The following CYRIB variants were observed in gnomAD, a reference collection of about 807,000 sequenced individuals.
CYRIB encodes CYFIP-related Rac1 interactor B.
In CYRIB, 8 loss-of-function variants were observed where a neutral mutation model predicts 44.2. That is an observed-to-expected ratio of 0.18 (90% CI 0.11 to 0.33). The LOEUF (loss-of-function observed/expected upper bound fraction) is 0.33. Among genes scored for constraint, CYRIB ranks in the 10% least tolerant of loss-of-function variants. CYRIB has a pLI of 1.00. For synonymous variants in CYRIB, 131 were observed against 127.2 expected, an observed-to-expected ratio of 1.03 and a Z score of -0.20; for missense variants, 185 against 382.8, an observed-to-expected ratio of 0.48 and a Z score of 4.31.
chr8:129,889,618 G>A (rs2064243931), intron 2 of CYRIB, among the ~76,000 whole-genome samples: 1 of 152,086 alleles, frequency 6.6e-6, no homozygotes, highest in Non-Finnish European at 1.5e-5. Context: ...ATGACTGTGA[G>A]GGGGGTTCAA....
chr8:130,011,499 C>T (rs2097213899), intron 1 of CYRIB, among the ~76,000 whole-genome samples: 1 of 150,438 alleles, frequency 6.6e-6, no homozygotes, highest in African/African-American at 2.5e-5. Flanking sequence ...CTAACCTGGG[C>T]AACAAAGCAA....
chr8:129,924,925 T>C (rs560609881), intron 1 of CYRIB, among the ~76,000 whole-genome samples: 1 of 152,370 alleles, frequency 6.6e-6, no homozygotes, highest in South Asian at 2.1e-4. Context: ...CTGCAGTGAC[T>C]GAAAGATCTT....
intron 2 of CYRIB, among the ~76,000 whole-genome samples, chr8:129,952,525 G>T (rs1265122844): frequency 6.6e-6 from 1 of 152,086 alleles, no homozygotes; most frequent in Non-Finnish European, 1.5e-5. Flanking sequence ...AAAACTCAAT[G>T]ATAACAAGAT....
intron 2 of CYRIB, among the ~76,000 whole-genome samples, chr8:129,882,916 G>A (rs757988110): frequency 3.1e-4 from 47 of 151,818 alleles, no homozygotes; most frequent in Non-Finnish European, 6.5e-4. Flanking sequence ...TGGCTCAGTT[G>A]GCTGGGCGCA....
chr8:130,015,123 T>G (rs1341167357), intron 1 of CYRIB, among the ~76,000 whole-genome samples: 3 of 149,854 alleles, frequency 2.0e-5, no homozygotes, highest in African/African-American at 4.9e-5. Context: ...AGGGGAGGAG[T>G]CCATCCAACC....
chr8:129,840,359 G>A (rs1369463002), exon 12 of CYRIB: 1 of 152,236 alleles, frequency 6.6e-6, no homozygotes, highest in Non-Finnish European at 1.5e-5. Context: ...ATGGCCTTCA[G>A]CTCTGTGTGT....
intron 2 of CYRIB, among the ~76,000 whole-genome samples, chr8:129,889,940 A>AT (rs970599308): frequency 8.6e-5 from 13 of 151,860 alleles, no homozygotes; most frequent in Admixed American, 7.9e-4. Context: ...CAGCCAGCTG[A>AT]TTTTTTGTAT....
At chr8:129,916,904 A>T (rs1388852546) in intron 1 of CYRIB, among the ~76,000 whole-genome samples, 1 of 152,228 alleles carries the variant, frequency 6.6e-6, no homozygotes, top group African/African-American at 2.4e-5. Flanking sequence ...AACCAGTCAA[A>T]TACCAGTTTG....
At chr8:129,901,117 C>T (rs561009629) in intron 2 of CYRIB, among the ~76,000 whole-genome samples, 131 of 152,228 alleles carry the variant, frequency 8.6e-4, no homozygotes, top group Admixed American at 2.4e-3. Flanking sequence ...CCACACCTGG[C>T]TAATTTTTTG....
chr8:129,888,499 G>A (rs575645737), intron 2 of CYRIB, among the ~76,000 whole-genome samples: 6 of 152,182 alleles, frequency 3.9e-5, no homozygotes, highest in South Asian at 2.1e-4. Context: ...GCACACATGC[G>A]CATCTAACCA....
chr8:129,908,093 G>C (rs1187887596), intron 1 of CYRIB, among the ~76,000 whole-genome samples: 7 of 152,154 alleles, frequency 4.6e-5, no homozygotes, highest in African/African-American at 7.2e-5. Flanking sequence ...ATGGATTTGA[G>C]TTTAATTTCT....
intron 2 of CYRIB, chr8:129,901,777 T>G (rs2072192223): frequency 6.6e-6 from 1 of 152,218 alleles, no homozygotes; most frequent in South Asian, 2.1e-4. Flanking sequence ...ACCATGGGTA[T>G]TTTTGTATTA....
intron 2 of CYRIB, among the ~76,000 whole-genome samples, chr8:129,888,843 A>G (rs1188439370): frequency 6.6e-6 from 1 of 152,222 alleles, no homozygotes; most frequent in Admixed American, 6.5e-5. Context: ...CTGTAATCCC[A>G]GCACTTTGGG....
At chr8:129,916,660 C>T (rs2080933753) in intron 1 of CYRIB, among the ~76,000 whole-genome samples, 1 of 152,192 alleles carries the variant, frequency 6.6e-6, no homozygotes, top group Non-Finnish European at 1.5e-5. Context: ...CTGCTTTCAA[C>T]AGGCTTTTCC....
intron 1 of CYRIB, among the ~76,000 whole-genome samples, chr8:129,935,081 G>A (rs1011327011): frequency 6.6e-5 from 10 of 152,124 alleles, no homozygotes; most frequent in Non-Finnish European, 4.4e-5. Flanking sequence ...CCTGCATCTC[G>A]TTATTGGGCC....
chr8:129,921,962 G>A (rs1326685082), intron 1 of CYRIB, among the ~76,000 whole-genome samples: 1 of 152,150 alleles, frequency 6.6e-6, no homozygotes, highest in Admixed American at 6.5e-5. Flanking sequence ...GAAGTATGGA[G>A]TTCAGGGAAG....
chr8:129,919,042 A>AT (rs1217566253), intron 1 of CYRIB, among the ~76,000 whole-genome samples: 1 of 152,102 alleles, frequency 6.6e-6, no homozygotes, highest in African/African-American at 2.4e-5. Context: ...TATTTTACTT[A>AT]TTTTTTTAAG....
intron 2 of CYRIB, among the ~76,000 whole-genome samples, chr8:129,885,230 TCTTAAAAGGCA>T (rs1218933882): frequency 1.3e-5 from 2 of 152,180 alleles, no homozygotes. Flanking sequence ...TCAGGGCTCA[TCTTAAAAGGCA>T]TCTCTTTGAA....
At chr8:129,998,220 C>T (rs2096827090) in intron 1 of CYRIB, among the ~76,000 whole-genome samples, 1 of 152,106 alleles carries the variant, frequency 6.6e-6, no homozygotes, top group Non-Finnish European at 1.5e-5. Flanking sequence ...CCACATCTGG[C>T]CACTGCACCA....
Sources: allele counts gnomAD v4.1 joint callset (sites outside exome capture counted in the v4.1 genomes callset), GRCh38; gene constraint gnomAD v4.1.1; transcripts MANE v1.5; gene names NCBI Gene and HGNC (gene_info 2026-07-23, HGNC 2026-07-21).